ITSN1: variants seen among roughly 807,000 people sequenced by gnomAD.
ITSN1 encodes intersectin 1.
In ITSN1, 58 loss-of-function variants were observed where a neutral mutation model predicts 239.8. That is an observed-to-expected ratio of 0.24 (90% CI 0.20 to 0.30). ITSN1 has a LOEUF of 0.30. ITSN1 is among the 10% of genes least tolerant of loss of function. ITSN1 has a pLI of 1.00. For missense variants in ITSN1, 1,558 were observed against 2,103.3 expected, an observed-to-expected ratio of 0.74 and a Z score of 5.07; for synonymous variants, 780 against 770.8, an observed-to-expected ratio of 1.01 and a Z score of -0.20.
intron 9 of ITSN1, 84 bp downstream of exon 9, chr21:33,762,070 GT>G: frequency 1.1e-6 from 1 of 918,364 alleles, no homozygotes; most frequent in Non-Finnish European, 1.8e-6. Context: ...GATTAATACC[GT>G]TTTTTATGGG....
In ITSN1 at chr21:33,769,706, T is replaced by C. The variant is rs186073244; in HGVS notation, c.1042+1878T>C. On this transcript the variant is annotated intron_variant, in intron 11 of 39. Coordinates refer to ENST00000381318, the MANE Select transcript of ITSN1 (RefSeq NM_003024.3). ...CTCTATCTCTGTCTCTGCCTTTTTT[T>C]TTTTTGAGACGGTTGTTTCGCTCTT... is the stretch of plus-strand genomic sequence containing the variant. 8.6e-3 allele frequency among the ~76,000 whole-genome samples: 1,311 copies of C among 152,136 alleles called. 8 individuals carry two copies. The highest frequency in any genetic ancestry group is 0.012 in the Non-Finnish European group (841 of 67,998).
chr21:33,878,313 G>A (rs970990321), intron 34 of ITSN1, among the ~76,000 whole-genome samples: 3 of 152,110 alleles, frequency 2.0e-5, no homozygotes, highest in Non-Finnish European at 4.4e-5. Context: ...GATTACAGGT[G>A]TGAGCCACCA....
intron 34 of ITSN1, among the ~76,000 whole-genome samples, chr21:33,877,837 G>A (rs1361350850): frequency 2.2e-5 from 1 of 44,880 alleles, no homozygotes; most frequent in Non-Finnish European, 4.3e-5. Flanking sequence ...GTGTGTGTGT[G>A]TGTGTGTGTG....
intron 16 of ITSN1, among the ~76,000 whole-genome samples, chr21:33,788,640 A>ACTTCATCACTT (rs1456939741): frequency 1.3e-5 from 2 of 152,214 alleles, no homozygotes; most frequent in African/African-American, 4.8e-5. Context: ...CTGAGGCAGG[A>ACTTCATCACTT]GAATCACTTG....
In ITSN1 at chr21:33,781,675, G is replaced by A. The variant is rs1216060984; in HGVS notation, c.1684+127G>A. 18 of 598,258 alleles carry A rather than the reference G, an allele frequency of 3.0e-5. No individual in the cohort carries two copies. In the East Asian group the frequency reaches 5.7e-4, roughly 19 times the overall value. The allele number at this position is 598,258 out of a possible 1,614,324, so 37.1% of individuals were successfully genotyped here. On this transcript the variant is annotated intron_variant, in intron 15 of 39. Transcript: ENST00000381318. Reference sequence around the variant, plus strand: ...GGCCAACTGTAACCTCCGCCTCCCGGGTTCAAGATTCTCTTGCCTCAGCCT... The same window carrying A: ...GGCCAACTGTAACCTCCGCCTCCCGAGTTCAAGATTCTCTTGCCTCAGCCT...
intron 1 of ITSN1, among the ~76,000 whole-genome samples, chr21:33,676,096 A>G (rs951947838): frequency 4.0e-5 from 6 of 148,904 alleles, no homozygotes; most frequent in Non-Finnish European, 7.4e-5. Context: ...GTGCAGTGGC[A>G]CGATCTCGGC....
At chr21:33,680,474 G>A (rs1272999627) in intron 1 of ITSN1, among the ~76,000 whole-genome samples, 1 of 151,856 alleles carries the variant, frequency 6.6e-6, no homozygotes, top group Non-Finnish European at 1.5e-5. Context: ...TGGCATTACA[G>A]GCATGCACCA....
At chr21:33,680,252 G>A (rs539938858) in intron 1 of ITSN1, among the ~76,000 whole-genome samples, 5 of 151,456 alleles carry the variant, frequency 3.3e-5, no homozygotes, top group African/African-American at 1.2e-4. Context: ...TTCTGTTTTT[G>A]TTCTTTTCTT....
intron 1 of ITSN1, among the ~76,000 whole-genome samples, chr21:33,699,327 G>A (rs2091915545): frequency 6.6e-6 from 1 of 152,076 alleles, no homozygotes; most frequent in Non-Finnish European, 1.5e-5. Context: ...ATTTATAAAA[G>A]ATCAATTACA....
chr21:33,731,415 G>A (rs2066176809), intron 4 of ITSN1, among the ~76,000 whole-genome samples: 1 of 152,156 alleles, frequency 6.6e-6, no homozygotes, highest in South Asian at 2.1e-4. Flanking sequence ...GTTTTAAATA[G>A]TTGCGTATCT....
chr21:33,731,968 TA>T (rs1276205714), intron 4 of ITSN1, among the ~76,000 whole-genome samples: 1 of 152,148 alleles, frequency 6.6e-6, no homozygotes, highest in Non-Finnish European at 1.5e-5. Flanking sequence ...TAGGGAGACA[TA>T]AGACATCAAT....
At chr21:33,700,209 C>T (rs1041856566) in intron 1 of ITSN1, among the ~76,000 whole-genome samples, 14 of 152,062 alleles carry the variant, frequency 9.2e-5, no homozygotes, top group African/African-American at 2.9e-4. Flanking sequence ...CTCAGCCTCC[C>T]GAGTAGCTGG....
At chr21:33,849,169 C>T (rs906772906) in intron 29 of ITSN1, among the ~76,000 whole-genome samples, 11 of 151,762 alleles carry the variant, frequency 7.2e-5, no homozygotes, top group Non-Finnish European at 1.5e-4. Flanking sequence ...ACTCAGGAGG[C>T]GGAGGTTGCA....
intron 5 of ITSN1, among the ~76,000 whole-genome samples, chr21:33,735,999 A>G (rs185519046): frequency 1.3e-5 from 2 of 152,280 alleles, no homozygotes; most frequent in East Asian, 3.9e-4. Flanking sequence ...TCGTCTCAAA[A>G]CAAACGTGAT....
intron 21 of ITSN1, 61 bp downstream of exon 21, chr21:33,811,283 C>CA: frequency 6.8e-7 from 1 of 1,480,556 alleles, no homozygotes; most frequent in South Asian, 1.3e-5. Context: ...ATTTCCCCCC[C>CA]ACCCCCTTAA....
In ITSN1 at chr21:33,896,241, C is replaced by G. The variant is rs574482799; in HGVS notation, c.*7941C>G. 1 of 152,562 alleles carries G rather than the reference C, an allele frequency of 6.6e-6. No individual in the cohort carries two copies. Among genetic ancestry groups the G allele is most frequent in the Admixed American group, 6.5e-5 (1 of 15,306 alleles). 9.5% of individuals were successfully genotyped at this position (152,562 alleles called of 1,614,324 possible). A position where few individuals can be genotyped will look rare whatever the true frequency, so the allele number is the denominator to read the frequency against. On this transcript the variant is annotated 3_prime_UTR_variant, in exon 40 of 40. Transcript: ENST00000381318. ...TGCCGGTGGTGGCAGGAGCTCTGGG[C>G]TCCCAGTTCAGGATGGGCCACAGGG...
chr21:33,755,618 G>GAT (rs1471021681), intron 8 of ITSN1, among the ~76,000 whole-genome samples: 4 of 152,122 alleles, frequency 2.6e-5, no homozygotes, highest in African/African-American at 9.7e-5. Context: ...ATAGACCAGG[G>GAT]ATACTCCTGT....
In ITSN1 at chr21:33,886,282, T is replaced by TC. The variant is rs1443622698; in HGVS notation, c.4844-3dup. 6.2e-7 allele frequency: 1 copy of TC among 1,610,294 alleles called. No homozygotes were observed. The highest frequency in any genetic ancestry group is 1.7e-5 in the Admixed American group (1 of 59,816). On this transcript the variant is annotated splice_region_variant and splice_polypyrimidine_tract_variant and intron_variant, in intron 38 of 39. Transcript: ENST00000381318. ...CCACCTGGCGAAGGCTTTTGTTCCC[T>TC]CCAGGAAAGAGCAACCCGTACTGTG...
chr21:33,808,527 G>A (rs913078909), intron 20 of ITSN1, among the ~76,000 whole-genome samples: 4 of 151,914 alleles, frequency 2.6e-5, no homozygotes, highest in African/African-American at 9.7e-5. Context: ...AGAGGTTGCA[G>A]TGAGCTGAGA....
Sources: allele counts gnomAD v4.1 joint callset (sites outside exome capture counted in the v4.1 genomes callset), GRCh38; gene constraint gnomAD v4.1.1; transcripts MANE v1.5; gene names NCBI Gene and HGNC (gene_info 2026-07-23, HGNC 2026-07-21).